Variants in GPM6A observed in about 807,000 individuals in gnomAD.
GPM6A encodes the protein neuronal membrane glycoprotein M6-a.
In GPM6A, 7 loss-of-function variants were observed where a neutral mutation model predicts 32.1. The ratio of observed to expected loss-of-function variants is 0.22; its 90% confidence interval spans 0.12 to 0.41. GPM6A has a LOEUF of 0.41. Among genes scored for constraint, GPM6A ranks in the 10% least tolerant of loss-of-function variants. GPM6A has a pLI of 1.00. For missense variants in GPM6A, 235 were observed against 347.2 expected, an observed-to-expected ratio of 0.68 and a Z score of 2.57; for synonymous variants, 130 against 123.4, an observed-to-expected ratio of 1.05 and a Z score of -0.35.
chr4:175,944,720 C>T (rs1264299385), intron 1 of GPM6A, among the ~76,000 whole-genome samples: 2 of 152,162 alleles, frequency 1.3e-5, no homozygotes, highest in African/African-American at 2.4e-5. Flanking sequence ...CTGGCTTTTG[C>T]CTTTTGGCCA....
At chr4:175,876,366 T>C (rs898236408) in intron 1 of GPM6A, among the ~76,000 whole-genome samples, 7 of 152,316 alleles carry the variant, frequency 4.6e-5, no homozygotes, top group Non-Finnish European at 8.8e-5. Context: ...ATTCATTAAA[T>C]GCATTAGATT....
intron 1 of GPM6A, among the ~76,000 whole-genome samples, chr4:175,750,177 G>A (rs1199559755): frequency 6.6e-6 from 1 of 151,984 alleles, no homozygotes; most frequent in Non-Finnish European, 1.5e-5. Flanking sequence ...TCCTGCCTCA[G>A]TACCCCCAGT....
chr4:175,977,305 T>C (rs1018921022), intron 1 of GPM6A, among the ~76,000 whole-genome samples: 1 of 152,206 alleles, frequency 6.6e-6, no homozygotes. Flanking sequence ...AAAACAGTCA[T>C]GTACGCCCAA....
chr4:175,932,056 C>T (rs1439708841), intron 1 of GPM6A, among the ~76,000 whole-genome samples: 2 of 147,748 alleles, frequency 1.4e-5, no homozygotes, highest in African/African-American at 5.0e-5. Context: ...GATTGTGCCA[C>T]TGCACTCCAG....
At chr4:175,781,564 T>A (rs1733616832) in intron 1 of GPM6A, among the ~76,000 whole-genome samples, 1 of 152,226 alleles carries the variant, frequency 6.6e-6, no homozygotes, top group Admixed American at 6.5e-5. Context: ...CTTTGCCTTC[T>A]AACTATGGGC....
intron 1 of GPM6A, among the ~76,000 whole-genome samples, chr4:175,754,237 G>A (rs2111194951): frequency 6.6e-6 from 1 of 152,198 alleles, no homozygotes. Context: ...CTGGCTGGCT[G>A]AATCAACAGT....
chr4:175,711,937 G>T (rs1237374276), intron 1 of GPM6A, among the ~76,000 whole-genome samples: 1 of 152,016 alleles, frequency 6.6e-6, no homozygotes, highest in Non-Finnish European at 1.5e-5. Flanking sequence ...ACAATAAATA[G>T]ATGCTCTAAA....
chr4:175,928,725 G>T (rs1738928745), intron 1 of GPM6A, among the ~76,000 whole-genome samples: 1 of 152,184 alleles, frequency 6.6e-6, no homozygotes, highest in Non-Finnish European at 1.5e-5. Context: ...TTTCTGTTTA[G>T]ATTATAATAT....
intron 1 of GPM6A, among the ~76,000 whole-genome samples, chr4:175,788,597 A>G (rs1733891785): frequency 1.3e-5 from 2 of 152,198 alleles, no homozygotes; most frequent in African/African-American, 4.8e-5. Flanking sequence ...TGTAAGAGAC[A>G]GTTATAAACT....
intron 1 of GPM6A, among the ~76,000 whole-genome samples, chr4:175,943,531 C>T (rs1489988743): frequency 6.6e-6 from 1 of 152,010 alleles, no homozygotes; most frequent in Non-Finnish European, 1.5e-5. Flanking sequence ...ATAAGTAGCT[C>T]TTATTATTTT....
intron 1 of GPM6A, among the ~76,000 whole-genome samples, chr4:175,749,493 G>C (rs1013658428): frequency 1.3e-5 from 2 of 152,118 alleles, no homozygotes; most frequent in Non-Finnish European, 2.9e-5. Context: ...ATAAGATGAA[G>C]TCTGCATGTG....
chr4:175,689,239 C>A (rs1359822652), intron 2 of GPM6A, among the ~76,000 whole-genome samples: 1 of 152,124 alleles, frequency 6.6e-6, no homozygotes, highest in Non-Finnish European at 1.5e-5. Context: ...TCTATTTCTG[C>A]AAAATATACC....
chr4:175,992,358 AC>A (rs1223997408), intron 1 of GPM6A, among the ~76,000 whole-genome samples: 2 of 152,200 alleles, frequency 1.3e-5, no homozygotes, highest in Admixed American at 6.5e-5. Context: ...AAAGAAAAAT[AC>A]CCAAATCTGG....
chr4:175,650,441 A>G (rs911898869), intron 4 of GPM6A, among the ~76,000 whole-genome samples: 2 of 151,956 alleles, frequency 1.3e-5, no homozygotes, highest in Non-Finnish European at 2.9e-5. Flanking sequence ...CGTAGCTGGG[A>G]CTACAGGCAT....
chr4:175,898,122 C>T (rs935420525), intron 1 of GPM6A, among the ~76,000 whole-genome samples: 5 of 152,148 alleles, frequency 3.3e-5, no homozygotes, highest in African/African-American at 9.7e-5. Flanking sequence ...CTGCCTTAAT[C>T]ATTTACCCCT....
At chr4:175,710,674 C>A (rs1745477640) in intron 1 of GPM6A, among the ~76,000 whole-genome samples, 2 of 152,202 alleles carry the variant, frequency 1.3e-5, no homozygotes, top group South Asian at 4.1e-4. Flanking sequence ...CACAGGAGAG[C>A]TGGCTTGTGG....
intron 4 of GPM6A, among the ~76,000 whole-genome samples, chr4:175,647,308 T>C (rs1388819044): frequency 6.6e-6 from 1 of 152,174 alleles, no homozygotes; most frequent in Non-Finnish European, 1.5e-5. Flanking sequence ...CAACATTTCC[T>C]CACATAAAGT....
At chr4:175,770,711 C>T (rs1309796439) in intron 1 of GPM6A, among the ~76,000 whole-genome samples, 1 of 152,156 alleles carries the variant, frequency 6.6e-6, no homozygotes, top group East Asian at 1.9e-4. Flanking sequence ...GATCTTGCTG[C>T]CTCATGGATG....
intron 1 of GPM6A, among the ~76,000 whole-genome samples, chr4:175,965,845 C>T (rs1349347177): frequency 6.6e-6 from 1 of 152,066 alleles, no homozygotes; most frequent in African/African-American, 2.4e-5. Flanking sequence ...AACTCCTGAC[C>T]TTGTGATCTG....
Sources: gnomAD v4.1 joint callset for allele counts (sites outside exome capture counted in the v4.1 genomes callset) on GRCh38, gnomAD v4.1.1 for gene constraint, MANE v1.5 for transcripts, NCBI Gene and HGNC (gene_info 2026-07-23, HGNC 2026-07-21) for gene names.